TBC1D1: variants seen among roughly 807,000 people sequenced by gnomAD.
The protein encoded by TBC1D1 is TBC1 domain family member 1, also known as TBC1 (tre-2/USP6, BUB2, cdc16) domain family, member 1.
Under a neutral mutation model 125.6 loss-of-function variants are expected in TBC1D1, and 89 were observed. The observed-to-expected ratio is 0.71, with a 90% CI of 0.60 to 0.85. TBC1D1 has a LOEUF of 0.85. TBC1D1 is among the 40% of genes least tolerant of loss of function. The pLI, the probability that TBC1D1 is intolerant of heterozygous loss-of-function variation, is 0.00. For missense variants in TBC1D1, 1,377 were observed against 1,469.2 expected (o/e 0.94, Z 1.03); for synonymous variants, 565 against 564.1 (o/e 1.00, Z -0.02).
At chr4:37,925,142 A>G (rs1366735880) in intron 2 of TBC1D1, among the ~76,000 whole-genome samples, 1 of 152,234 alleles carries the variant, frequency 6.6e-6, no homozygotes, top group Admixed American at 6.5e-5. Flanking sequence ...CCTGGGCTCC[A>G]TGCCGAGGCA....
In TBC1D1 at chr4:38,081,694, C is replaced by T. The variant is rs141292585; in HGVS notation, c.2051-8238C>T. Among the ~76,000 whole-genome samples the T allele has an allele frequency of 9.9e-5, 15 of 152,256 alleles. No homozygotes were observed. In the South Asian group the frequency reaches 1.5e-3, roughly 15 times the overall value. On this transcript the variant is annotated intron_variant, in intron 12 of 19. Coordinates refer to ENST00000261439, the MANE Select transcript of TBC1D1 (RefSeq NM_015173.4). ...TGTCTAAGTACTGTTTTTAAGTGCT[C>T]TCAAGGATTTTTCATTTAATCCCCA...
At chr4:38,096,785 T>TA (rs2152547993) in intron 14 of TBC1D1, among the ~76,000 whole-genome samples, 1 of 152,322 alleles carries the variant, frequency 6.6e-6, no homozygotes, top group Admixed American at 6.5e-5. Context: ...TGGACTTATA[T>TA]TTTGTCCATC....
intron 2 of TBC1D1, among the ~76,000 whole-genome samples, chr4:37,984,050 T>G (rs74866923): frequency 0.046 from 7,000 of 152,276 alleles, 242 homozygotes; most frequent in African/African-American, 0.09. Flanking sequence ...CTTCTTTCAC[T>G]AAGTATATGC....
At chr4:38,041,871 TC>T (rs1748450693) in intron 8 of TBC1D1, among the ~76,000 whole-genome samples, 1 of 152,124 alleles carries the variant, frequency 6.6e-6, no homozygotes, top group Non-Finnish European at 1.5e-5. Context: ...CTGCAGTGGT[TC>T]CCATTAAAAG....
At chr4:38,086,024 G>A (rs1757422883) in intron 12 of TBC1D1, among the ~76,000 whole-genome samples, 1 of 152,114 alleles carries the variant, frequency 6.6e-6, no homozygotes, top group African/African-American at 2.4e-5. Context: ...ACTTTCTTTG[G>A]ACTGATTCAG....
intron 12 of TBC1D1, chr4:38,060,470 T>C (rs1342303968): frequency 2.9e-6 from 1 of 346,622 alleles, no homozygotes; most frequent in Non-Finnish European, 5.6e-6. Context: ...ATTTCTCTAA[T>C]GATCAGTGAT....
chr4:38,068,734 C>T (rs752274615), intron 12 of TBC1D1, among the ~76,000 whole-genome samples: 1 of 152,162 alleles, frequency 6.6e-6, no homozygotes, highest in Non-Finnish European at 1.5e-5. Flanking sequence ...ATGTGGCTAC[C>T]GTATTGTAAG....
At chr4:37,985,774 T>G (rs1203080022) in intron 2 of TBC1D1, among the ~76,000 whole-genome samples, 1 of 152,138 alleles carries the variant, frequency 6.6e-6, no homozygotes, top group Non-Finnish European at 1.5e-5. Context: ...TTGAATAGCT[T>G]GCAGTCTAAT....
chr4:38,116,869 A>G (rs1763068980), intron 16 of TBC1D1, among the ~76,000 whole-genome samples: 1 of 152,252 alleles, frequency 6.6e-6, no homozygotes, highest in Non-Finnish European at 1.5e-5. Context: ...ATTAGAGCCA[A>G]GGACTTGCTT....
chr4:38,124,911 T>C, intron 17 of TBC1D1, 51 bp from the exon 20 acceptor site: 2 of 1,529,410 alleles, frequency 1.3e-6, no homozygotes, highest in Non-Finnish European at 1.8e-6. Flanking sequence ...GGAATGGTAT[T>C]GCGTGAGAAA....
intron 11 of TBC1D1, 130 bp downstream of exon 12, chr4:38,052,190 T>TGC (rs1560696604): frequency 3.6e-5 from 22 of 614,724 alleles, no homozygotes; most frequent in Admixed American, 3.3e-5. Context: ...TGTGTGTGTG[T>TGC]GTGTGCGCGC....
chr4:38,018,358 G>A lies in TBC1D1; in HGVS notation c.887G>A (p.Gly296Asp), dbSNP rs145932557. The A allele has an allele frequency of 1.8e-4, 286 of 1,606,878 alleles. 2 individuals are homozygous for A. In the African/African-American group the frequency reaches 3.2e-3, roughly 18 times the overall value. Reference sequence around the variant, plus strand: ...TTTTTTTGTTTGTCTTTTAAGATTGGCCAGTCTGAAGTTTACCTCATCAGT... The same window carrying A: ...TTTTTTTGTTTGTCTTTTAAGATTGACCAGTCTGAAGTTTACCTCATCAGT... The change falls in exon 4 of 20, where the codon GGC (glycine) becomes GAC (aspartate). Residue 296 changes from glycine (G) to aspartate (D), a missense_variant. By Grantham distance (94) the Gly-to-Asp change is moderately conservative. Around this residue, in one of 3 missense-constraint regions of TBC1D1, gnomAD observed 822 missense variants for 824.6 expected, o/e 1.00. Coordinates refer to ENST00000261439, the MANE Select transcript of TBC1D1 (RefSeq NM_015173.4).
intron 12 of TBC1D1, among the ~76,000 whole-genome samples, chr4:38,086,589 G>A (rs1757522754): frequency 6.6e-6 from 1 of 152,174 alleles, no homozygotes; most frequent in Admixed American, 6.5e-5. Context: ...TGGATCCCCC[G>A]ACCAAATTTG....
intron 2 of TBC1D1, among the ~76,000 whole-genome samples, chr4:37,923,678 ATTTT>A (rs35795968): frequency 2.6e-5 from 3 of 116,130 alleles, no homozygotes; most frequent in Non-Finnish European, 5.3e-5. Context: ...CCCCCACCCC[ATTTT>A]TTTTTTTTTT....
At chr4:38,010,154 T>C (rs962868982) in intron 2 of TBC1D1, among the ~76,000 whole-genome samples, 1 of 152,226 alleles carries the variant, frequency 6.6e-6, no homozygotes, top group African/African-American at 2.4e-5. Context: ...CATTTTTCAG[T>C]TAGGCATGTT....
chr4:38,071,349 A>C (rs1276872459), intron 12 of TBC1D1, among the ~76,000 whole-genome samples: 1 of 152,120 alleles, frequency 6.6e-6, no homozygotes, highest in Non-Finnish European at 1.5e-5. Context: ...GTAAAATTTC[A>C]GTTTGTTATA....
At chr4:38,071,475 C>T (rs905666246) in intron 12 of TBC1D1, among the ~76,000 whole-genome samples, 3 of 152,078 alleles carry the variant, frequency 2.0e-5, no homozygotes, top group African/African-American at 7.2e-5. Flanking sequence ...TTATCTTCTC[C>T]CATTACTCAT....
intron 2 of TBC1D1, among the ~76,000 whole-genome samples, chr4:37,990,979 A>G (rs556348498): frequency 2.3e-5 from 3 of 128,192 alleles, no homozygotes; most frequent in African/African-American, 8.8e-5. Context: ...ATCACAATCT[A>G]TTTCTTTTGC....
chr4:38,051,438 A>T (rs534435235), intron 11 of TBC1D1, among the ~76,000 whole-genome samples: 15 of 152,198 alleles, frequency 9.9e-5, no homozygotes, highest in East Asian at 1.9e-4. Flanking sequence ...TTAATTAAAA[A>T]TTTTTTTTCC....
Sources: allele counts gnomAD v4.1 joint callset (sites outside exome capture counted in the v4.1 genomes callset), GRCh38; gene constraint gnomAD v4.1.1; regional missense constraint gnomAD v4.1.1; transcripts MANE v1.5; gene names NCBI Gene and HGNC (gene_info 2026-07-23, HGNC 2026-07-21).